Variants in SEMA6D observed in about 807,000 individuals in gnomAD.
The protein encoded by SEMA6D is semaphorin-6D.
SEMA6D carries 35 observed loss-of-function variants against 106.6 expected under a neutral mutation model. The ratio of observed to expected loss-of-function variants is 0.33; its 90% CI spans 0.25 to 0.44. The LOEUF (loss-of-function observed/expected upper bound fraction) is 0.44. Ranked by LOEUF, SEMA6D falls within the 20% of genes least tolerant of loss-of-function variation. The probability of loss-of-function intolerance (pLI) is 1.00; values close to 1 mark genes in which losing one functional copy is unlikely to be tolerated. For synonymous variants in SEMA6D, 499 were observed against 487.7 expected, an observed-to-expected ratio of 1.02 and a Z score of -0.31; for missense variants, 1,185 against 1,345.9, an observed-to-expected ratio of 0.88 and a Z score of 1.87.
At chr15:47,184,543 T>G (rs1465091679) in intron 1 of SEMA6D, 1 of 152,202 alleles carries the variant, frequency 6.6e-6, no homozygotes, top group Non-Finnish European at 1.5e-5. Flanking sequence ...GCGTCCAGGA[T>G]GCTCCAGCCT....
chr15:47,378,957 C>T lies in SEMA6D; in HGVS notation c.-238-33436C>T, dbSNP rs557497501. ...TCTCGGAAGACATACACTTCGTTTTCCCAGATAATTCTCTTCTCCTCCAAC... is the reference window on the plus strand; with the variant it reads ...TCTCGGAAGACATACACTTCGTTTTTCCAGATAATTCTCTTCTCCTCCAAC... On this transcript the variant is annotated intron_variant, in intron 1 of 19. Transcript: ENST00000558014. Among the ~76,000 whole-genome samples the T allele has an allele frequency of 1.3e-3, 205 of 152,216 alleles. 2 individuals are homozygous for T. Among genetic ancestry groups the T allele is most frequent in the African/African-American group, 4.8e-3 (201 of 41,534 alleles).
At chr15:47,664,016 A>C (rs1055217584) in intron 4 of SEMA6D, among the ~76,000 whole-genome samples, 1 of 152,226 alleles carries the variant, frequency 6.6e-6, no homozygotes, top group Non-Finnish European at 1.5e-5. Context: ...TGAAGTAGAT[A>C]TTCTTCTTAT....
chr15:47,356,371 A>G (rs538287960), intron 1 of SEMA6D, among the ~76,000 whole-genome samples: 1 of 152,316 alleles, frequency 6.6e-6, no homozygotes, highest in East Asian at 1.9e-4. Context: ...ATATTCCACG[A>G]ACACTTTAAA....
intron 1 of SEMA6D, among the ~76,000 whole-genome samples, chr15:47,326,392 A>T (rs938511101): frequency 9.9e-5 from 15 of 152,238 alleles, no homozygotes; most frequent in African/African-American, 3.4e-4. Context: ...TGCCCTGTTG[A>T]AAGCATTTGA....
At chr15:47,555,101 C>T (rs1322793370) in intron 3 of SEMA6D, among the ~76,000 whole-genome samples, 2 of 152,094 alleles carry the variant, frequency 1.3e-5, no homozygotes, top group African/African-American at 4.8e-5. Context: ...ATGCGTACAA[C>T]AAGTAAAGGT....
At chr15:47,623,222 C>T (rs1270332593) in intron 4 of SEMA6D, among the ~76,000 whole-genome samples, 1 of 152,180 alleles carries the variant, frequency 6.6e-6, no homozygotes, top group Non-Finnish European at 1.5e-5. Context: ...CAAGGCCCAA[C>T]TATTGCCCTG....
intron 1 of SEMA6D, among the ~76,000 whole-genome samples, chr15:47,411,338 G>A (rs1003561251): frequency 2.0e-5 from 3 of 151,992 alleles, no homozygotes; most frequent in African/African-American, 7.2e-5. Flanking sequence ...CTCGTGATCC[G>A]CCTGCCTCAG....
intron 4 of SEMA6D, among the ~76,000 whole-genome samples, chr15:47,611,227 CTTAG>C (rs1036527810): frequency 7.9e-5 from 12 of 151,894 alleles, no homozygotes; most frequent in African/African-American, 2.4e-4. Context: ...GAGTCTAGGA[CTTAG>C]TTACAGAATC....
intron 4 of SEMA6D, among the ~76,000 whole-genome samples, chr15:47,674,331 T>A (rs2078198744): frequency 1.3e-5 from 2 of 152,212 alleles, no homozygotes; most frequent in Non-Finnish European, 1.5e-5. Context: ...AAGACGTAGC[T>A]TGTGGGAAAA....
At chr15:47,413,883 T>G (rs2040878036) in intron 2 of SEMA6D, among the ~76,000 whole-genome samples, 1 of 152,214 alleles carries the variant, frequency 6.6e-6, no homozygotes, top group South Asian at 2.1e-4. Context: ...CAGCCTGATT[T>G]GCTCATTCTT....
Position 47,486,963 on chromosome 15 carries a change from G to A in SEMA6D, c.-87+16418G>A, listed in dbSNP as rs867153451. 1.6e-4 allele frequency among the ~76,000 whole-genome samples: 24 copies of A among 152,126 alleles called. No homozygotes were observed. The South Asian group carries it at 3.1e-3, about 20-fold the overall frequency. On this transcript the variant is annotated intron_variant, in intron 3 of 19. Transcript: ENST00000558014. Reference sequence around the variant, plus strand: ...GTTATTTTTAAATAATTATTTCTTGGGCAACTACTGTGTAACAGGCATAGT... The same window carrying A: ...GTTATTTTTAAATAATTATTTCTTGAGCAACTACTGTGTAACAGGCATAGT...
intron 1 of SEMA6D, among the ~76,000 whole-genome samples, chr15:47,277,802 C>T (rs2034903078): frequency 6.6e-6 from 1 of 150,662 alleles, no homozygotes. Flanking sequence ...GTGATGTTCC[C>T]CTTCCTGTGT....
At chr15:47,749,107 G>A (rs1295028422) in intron 1 of SEMA6D, among the ~76,000 whole-genome samples, 1 of 126,214 alleles carries the variant, frequency 7.9e-6, no homozygotes, top group Non-Finnish European at 1.6e-5. Flanking sequence ...TGGAGATACA[G>A]TTTCATTCTT....
At chr15:47,385,803 T>C (rs1650898296) in intron 1 of SEMA6D, among the ~76,000 whole-genome samples, 1 of 152,240 alleles carries the variant, frequency 6.6e-6, no homozygotes, top group Admixed American at 6.5e-5. Flanking sequence ...TTTAGCCTTC[T>C]GCTTCCAAGG....
In SEMA6D at chr15:47,588,154, T is replaced by C. The variant is rs546745331; in HGVS notation, c.-86-12711T>C. On this transcript the variant is annotated intron_variant, in intron 3 of 19. Transcript: ENST00000558014. ...ACACTCCTAGTCCCTCTAATGAGAG[T>C]TGGCCAGCCCAGAGGATCCCACAAA... Among the ~76,000 whole-genome samples the C allele has an allele frequency of 2.6e-3, 397 of 152,154 alleles. 1 individual carries two copies. Among genetic ancestry groups the C allele is most frequent in the Middle Eastern group, 6.8e-3 (2 of 294 alleles).
intron 2 of SEMA6D, among the ~76,000 whole-genome samples, chr15:47,468,180 GGT>G (rs368285120): frequency 5.4e-4 from 82 of 151,278 alleles, no homozygotes; most frequent in African/African-American, 1.8e-3. Flanking sequence ...TTTGTGTGCG[GGT>G]GTGTGTGTGT....
chr15:47,685,122 A>G (rs1287229328), intron 4 of SEMA6D, among the ~76,000 whole-genome samples: 1 of 152,204 alleles, frequency 6.6e-6, no homozygotes, highest in Non-Finnish European at 1.5e-5. Context: ...CTAAGAGCAG[A>G]TGAGATCAAA....
intron 4 of SEMA6D, among the ~76,000 whole-genome samples, chr15:47,668,254 A>T (rs1309039290): frequency 2.0e-5 from 3 of 152,192 alleles, no homozygotes; most frequent in Non-Finnish European, 4.4e-5. Context: ...GCACACTGTC[A>T]ATGGCTTTCA....
chr15:47,602,641 C>G (rs1414541149), intron 4 of SEMA6D, among the ~76,000 whole-genome samples: 1 of 151,974 alleles, frequency 6.6e-6, no homozygotes, highest in Non-Finnish European at 1.5e-5. Context: ...GAAAGGTTAC[C>G]CCAGCATCAC....
Sources: allele counts gnomAD v4.1 joint callset (sites outside exome capture counted in the v4.1 genomes callset), GRCh38; gene constraint gnomAD v4.1.1; transcripts MANE v1.5; gene names NCBI Gene and HGNC (gene_info 2026-07-23, HGNC 2026-07-21).